Variants in MBP observed in about 807,000 individuals in gnomAD.
MBP encodes Golli-MBP.
Under a neutral mutation model 35.8 loss-of-function variants are expected in MBP, and 16 were observed. That is an observed-to-expected ratio of 0.45 (90% CI 0.30 to 0.68). The LOEUF (loss-of-function observed/expected upper bound fraction) is 0.68, where lower values mean the gene tolerates loss of function less well. Among genes scored for constraint, MBP ranks in the 30% least tolerant of loss-of-function variants. MBP has a pLI of 0.08. For missense variants in MBP, 380 were observed against 404.7 expected, an observed-to-expected ratio of 0.94 and a Z score of 0.52; for synonymous variants, 143 against 159.6, an observed-to-expected ratio of 0.90 and a Z score of 0.78.
rs111985145 is a variant in MBP at position 77,021,770 on chromosome 18, A to T, written c.140-4502T>A. ...AGTGCTTGGATTACAGGTGTGAGCC[A>T]CCGTGCCCAGCCTCTACTTTTAAGC... is the stretch of plus-strand genomic sequence containing the variant. On this transcript the variant is annotated intron_variant, in intron 3 of 8. Coordinates refer to ENST00000355994, the MANE Select transcript of MBP (RefSeq NM_001025101.2). Among the ~76,000 whole-genome samples, 237 of 152,308 alleles carry T rather than the reference A, an allele frequency of 1.6e-3. 1 individual carries two copies. Among genetic ancestry groups the T allele is most frequent in the African/African-American group, 5.4e-3 (226 of 41,560 alleles).
At chr18:76,986,561 G>C in intron 7 of MBP, 1 of 985,658 alleles carries the variant, frequency 1.0e-6, no homozygotes, top group Non-Finnish European at 1.2e-6. Context: ...CGTGTGAACA[G>C]TTGATTCGGG....
At position 77,016,902 on chromosome 18, in the gene MBP, G is replaced by C; in HGVS notation, c.506C>G (p.Thr169Arg). Residue 169 changes from threonine (T) to arginine (R), a missense_variant, in exon 4 of 9, where the codon ACG (threonine) becomes AGG (arginine). Transcript: ENST00000355994. The stretch of plus-strand genomic sequence containing the variant: ...GCGCCCGATGGAGTCAAGGATGCCC[G>C]TGTCTCTGTGCCTTGGGAGGAAGCC... Reference protein sequence around the residue: ...RHGFLPRHRDTGILDSIGRFF... With the variant: ...RHGFLPRHRDRGILDSIGRFF... The C allele has an allele frequency of 6.2e-7, 1 of 1,614,222 alleles. No homozygotes were observed. Among genetic ancestry groups the C allele is most frequent in the Non-Finnish European group, 8.5e-7 (1 of 1,180,034 alleles).
intron 2 of MBP, among the ~76,000 whole-genome samples, chr18:77,099,763 G>A (rs1408694700): frequency 2.6e-5 from 4 of 152,238 alleles, no homozygotes; most frequent in East Asian, 1.9e-4. Flanking sequence ...GGAGATGAGC[G>A]CTCTGCAGAT....
chr18:77,017,450 TG>T (rs1017756975), intron 3 of MBP, 182 bp from the exon 4 acceptor site: 7 of 440,142 alleles, frequency 1.6e-5, no homozygotes, highest in African/African-American at 1.2e-4. Context: ...ATTGCAGCTC[TG>T]TGTTTCAGAA....
chr18:77,110,723 A>T (rs944394850), intron 1 of MBP, among the ~76,000 whole-genome samples: 5 of 152,180 alleles, frequency 3.3e-5, no homozygotes, highest in African/African-American at 7.2e-5. Flanking sequence ...CCACTTCCCT[A>T]GGCATCAGAT....
intron 8 of MBP, chr18:76,981,524 A>T (rs923927309): frequency 6.6e-6 from 1 of 152,240 alleles, no homozygotes; most frequent in African/African-American, 2.4e-5. Flanking sequence ...CCAAGTACAT[A>T]CGTAGCATTA....
intron 4 of MBP, among the ~76,000 whole-genome samples, chr18:76,996,244 TAAC>T (rs1373001234): frequency 6.6e-6 from 1 of 152,222 alleles, no homozygotes; most frequent in African/African-American, 2.4e-5. Flanking sequence ...CTTAGAAAGT[TAAC>T]CCTATACTTA....
intron 2 of MBP, among the ~76,000 whole-genome samples, chr18:77,084,431 C>CCACA (rs60010988): frequency 0.017 from 1,803 of 105,910 alleles, 63 homozygotes; most frequent in East Asian, 0.068. Context: ...CCACACCACA[C>CCACA]CACACACACA....
chr18:77,128,199 G>A (rs1029371591), intron 1 of MBP, among the ~76,000 whole-genome samples: 6 of 152,176 alleles, frequency 3.9e-5, no homozygotes, highest in South Asian at 2.1e-4. Context: ...ACACCACTAA[G>A]TAATTAAAAA....
intron 4 of MBP, chr18:77,006,550 C>G (rs928843723): frequency 7.9e-5 from 12 of 152,730 alleles, no homozygotes; most frequent in Non-Finnish European, 1.8e-4. Context: ...CTGCAGAGAA[C>G]AGTGGGTCCA....
intron 4 of MBP, among the ~76,000 whole-genome samples, chr18:76,990,499 A>G (rs543677779): frequency 4.6e-5 from 7 of 152,230 alleles, no homozygotes; most frequent in African/African-American, 1.7e-4. Context: ...GAGGGATTTG[A>G]TCAGATTTGG....
At chr18:77,056,102 G>T (rs1433595485) in intron 3 of MBP, among the ~76,000 whole-genome samples, 1 of 152,214 alleles carries the variant, frequency 6.6e-6, no homozygotes, top group African/African-American at 2.4e-5. Context: ...CAGTGAGGCC[G>T]CTGGCAGTGC....
chr18:76,997,937 C>T (rs1599505719), intron 4 of MBP, among the ~76,000 whole-genome samples: 1 of 152,228 alleles, frequency 6.6e-6, no homozygotes, highest in Non-Finnish European at 1.5e-5. Flanking sequence ...CCGCCTCGGC[C>T]TCCCAAAGTG....
chr18:77,021,641 G>C (rs1971992180), intron 3 of MBP, among the ~76,000 whole-genome samples: 1 of 152,052 alleles, frequency 6.6e-6, no homozygotes. Context: ...CTGCCACTGT[G>C]CCCAGCTAAT....
At chr18:76,997,035 T>C (rs985094998) in intron 4 of MBP, among the ~76,000 whole-genome samples, 2 of 152,172 alleles carry the variant, frequency 1.3e-5, no homozygotes, top group Non-Finnish European at 2.9e-5. Context: ...CTCCCCGACC[T>C]TTGCCTAGAG....
intron 4 of MBP, among the ~76,000 whole-genome samples, chr18:76,996,725 G>C (rs952713339): frequency 2.6e-5 from 4 of 152,068 alleles, no homozygotes; most frequent in Non-Finnish European, 5.9e-5. Flanking sequence ...GGAGGGTGCA[G>C]TGTGGACCAC....
intron 1 of MBP, among the ~76,000 whole-genome samples, chr18:77,121,980 T>C (rs1976897390): frequency 3.3e-5 from 5 of 152,248 alleles, no homozygotes. Flanking sequence ...TGAGTTAATT[T>C]ATCTGGTATT....
At chr18:77,033,237 G>C (rs1400284648) in intron 3 of MBP, among the ~76,000 whole-genome samples, 1 of 152,044 alleles carries the variant, frequency 6.6e-6, no homozygotes, top group African/African-American at 2.4e-5. Flanking sequence ...CAAAGTGCTG[G>C]AGTTACAGGT....
intron 7 of MBP, chr18:76,986,936 A>G: frequency 1.0e-6 from 1 of 985,438 alleles, no homozygotes; most frequent in Non-Finnish European, 1.2e-6. Context: ...TTAGAAAGAG[A>G]AAGTGGGGGC....
Sources: allele counts gnomAD v4.1 joint callset (sites outside exome capture counted in the v4.1 genomes callset), GRCh38; gene constraint gnomAD v4.1.1; transcripts MANE v1.5; gene names NCBI Gene and HGNC (gene_info 2026-07-23, HGNC 2026-07-21).